The following SIM1 variants were observed in gnomAD, a reference collection of about 807,000 sequenced individuals.
SIM1 encodes the protein single-minded homolog 1.
Under a neutral mutation model 78.2 loss-of-function variants are expected in SIM1, and 18 were observed. The observed-to-expected ratio is 0.23, with a 90% confidence interval of 0.16 to 0.34. The LOEUF (loss-of-function observed/expected upper bound fraction) is 0.34. Ranked by LOEUF, SIM1 falls within the 10% of genes least tolerant of loss-of-function variation. SIM1 has a pLI of 1.00. For synonymous variants in SIM1, 417 were observed against 385.2 expected (o/e 1.08, Z -0.97); for missense variants, 939 against 975.1 (o/e 0.96, Z 0.49).
chr6:100,441,691 C>G (rs1430564531), intron 9 of SIM1, among the ~76,000 whole-genome samples: 1 of 152,056 alleles, frequency 6.6e-6, no homozygotes, highest in Non-Finnish European at 1.5e-5. Context: ...TGAAAATGTC[C>G]TTAGTGAAAC....
chr6:100,408,656 T>C (rs1429551269), intron 10 of SIM1, among the ~76,000 whole-genome samples: 2 of 152,130 alleles, frequency 1.3e-5, no homozygotes, highest in Admixed American at 1.3e-4. Context: ...TTTTTCAGCA[T>C]GTATTGAGAT....
intron 10 of SIM1, among the ~76,000 whole-genome samples, chr6:100,412,759 A>AAAGAAAGAAGAAAG (rs139161593): frequency 8.1e-6 from 1 of 123,176 alleles, no homozygotes; most frequent in Non-Finnish European, 1.9e-5. Flanking sequence ...AAGAAAAAAG[A>AAAGAAAGAAGAAAG]AAAGAAAAAG....
At chr6:100,412,700 AAAGAAAGAAAGAAAG>A (rs1771265212) in intron 10 of SIM1, among the ~76,000 whole-genome samples, 1 of 116,582 alleles carries the variant, frequency 8.6e-6, no homozygotes, top group African/African-American at 3.4e-5. Context: ...AGAAAGAAAG[AAAGAAAGAAAGAAAG>A]AAAGAAAGAA....
At position 100,412,607 on chromosome 6, in the gene SIM1, GA is replaced by G. The variant is rs1352327379; in HGVS notation, c.1167+8182del. Among the ~76,000 whole-genome samples, 269 of 92,824 alleles carry G rather than the reference GA, an allele frequency of 2.9e-3. 1 individual carries two copies. Among genetic ancestry groups the G allele is most frequent in the Non-Finnish European group, 3.6e-3 (161 of 45,200 alleles). 60.9% of individuals were successfully genotyped at this position (92,824 alleles called of 152,430 possible). A position where few individuals can be genotyped will look rare whatever the true frequency, so the allele number is the denominator to read the frequency against. ...AGAAAGAAAGAAAGAAAGAAAGAAA[GA>G]AAGGAAAGAAAGAAGGAAAGAAAGA... On this transcript the variant is annotated intron_variant, in intron 10 of 11. Transcript: ENST00000369208.
At chr6:100,403,837 TAAC>T (rs543691839) in intron 10 of SIM1, among the ~76,000 whole-genome samples, 37 of 152,320 alleles carry the variant, frequency 2.4e-4, no homozygotes, top group African/African-American at 8.4e-4. Flanking sequence ...TATTAAATGC[TAAC>T]AACATCTTAA....
At chr6:100,414,616 T>G (rs939685685) in intron 10 of SIM1, among the ~76,000 whole-genome samples, 2 of 152,216 alleles carry the variant, frequency 1.3e-5, no homozygotes, top group Non-Finnish European at 2.9e-5. Flanking sequence ...ATAACCTAAA[T>G]TTTTCTGGCA....
chr6:100,413,638 A>G (rs1771320375), intron 10 of SIM1, among the ~76,000 whole-genome samples: 1 of 152,192 alleles, frequency 6.6e-6, no homozygotes, highest in South Asian at 2.1e-4. Flanking sequence ...ATCAGTGTGT[A>G]TTATGATGTT....
intron 10 of SIM1, among the ~76,000 whole-genome samples, chr6:100,419,356 GTC>G (rs1771502238): frequency 6.6e-6 from 1 of 152,140 alleles, no homozygotes. Context: ...TGTGACATAA[GTC>G]TCTTAGAGGC....
At chr6:100,429,273 G>A (rs951165336) in intron 9 of SIM1, among the ~76,000 whole-genome samples, 2 of 151,810 alleles carry the variant, frequency 1.3e-5, no homozygotes, top group African/African-American at 2.4e-5. Context: ...GAGGGGCTGA[G>A]GCAGGAGAAT....
intron 10 of SIM1, among the ~76,000 whole-genome samples, chr6:100,412,779 AAGAG>A (rs1030315061): frequency 6.6e-6 from 1 of 151,818 alleles, no homozygotes; most frequent in African/African-American, 2.4e-5. Context: ...GAAAGGGAGA[AAGAG>A]AGAACGAAGG....
intron 2 of SIM1, among the ~76,000 whole-genome samples, chr6:100,454,452 C>CA (rs1165201280): frequency 2.6e-4 from 40 of 152,152 alleles, no homozygotes; most frequent in African/African-American, 8.7e-4. Context: ...CTGTTCAACC[C>CA]ATCTTCCTAT....
intron 9 of SIM1, among the ~76,000 whole-genome samples, chr6:100,424,739 C>A (rs939155073): frequency 1.3e-5 from 2 of 152,042 alleles, no homozygotes; most frequent in East Asian, 3.9e-4. Flanking sequence ...CCATGATGAG[C>A]CTTGGATTTG....
At position 100,391,862 on chromosome 6, in the gene SIM1, G is replaced by A. The variant is rs564554864; in HGVS notation, c.1571-771C>T. ...ATCATATAGTAACTCAGTTACCTTA[G>A]ATTGTTTTTGAAGTAAGGTAAAGAA... On this transcript the variant is annotated intron_variant, in intron 11 of 11. Transcript: ENST00000369208. 3.3e-5 allele frequency among the ~76,000 whole-genome samples: 5 copies of A among 152,182 alleles called. No homozygotes were observed. In the East Asian group the frequency reaches 7.7e-4, roughly 24 times the overall value.
intron 9 of SIM1, among the ~76,000 whole-genome samples, chr6:100,433,066 C>G (rs1478864096): frequency 1.3e-5 from 2 of 152,096 alleles, no homozygotes; most frequent in Non-Finnish European, 2.9e-5. Flanking sequence ...TCACCACTAC[C>G]CCATCTTTCA....
chr6:100,445,136 G>A (rs879054686), intron 9 of SIM1, among the ~76,000 whole-genome samples: 1 of 152,126 alleles, frequency 6.6e-6, no homozygotes, highest in Admixed American at 6.5e-5. Context: ...GTAACTTCCA[G>A]CCAGATGTGT....
chr6:100,397,341 C>T (rs1410737873), intron 10 of SIM1, among the ~76,000 whole-genome samples: 1 of 152,138 alleles, frequency 6.6e-6, no homozygotes, highest in Non-Finnish European at 1.5e-5. Context: ...ACACATGACC[C>T]ATACTATCAG....
rs1281547759 is a variant in SIM1, at chr6:100,412,555, A to AAAGAAAGAAAGAAAGAAAGAAAG, written c.1167+8234_1167+8235insCTTTCTTTCTTTCTTTCTTTCTT. ...CTGTCTAAGAAAGAAAGAAAGAAAG[A>AAAGAAAGAAAGAAAGAAAGAAAG]AAAGAAAGAAAGAAAGAAAGAAAGA... On this transcript the variant is annotated intron_variant, in intron 10 of 11. Coordinates refer to ENST00000369208, the MANE Select transcript of SIM1 (RefSeq NM_005068.3). 5.1e-4 allele frequency among the ~76,000 whole-genome samples: 33 copies of AAAGAAAGAAAGAAAGAAAGAAAG among 64,440 alleles called. 3 individuals carry two copies. The highest frequency in any genetic ancestry group is 7.8e-4 in the Non-Finnish European group (27 of 34,794). The allele number at this position is 64,440 out of a possible 152,430, so 42.3% of individuals were successfully genotyped here. A position where few individuals can be genotyped will look rare whatever the true frequency, so the allele number is the denominator to read the frequency against.
intron 2 of SIM1, 76 bp from the exon 3 acceptor site, chr6:100,453,920 G>A (rs1479528336): frequency 2.3e-5 from 26 of 1,113,056 alleles, no homozygotes; most frequent in Admixed American, 2.0e-4. Flanking sequence ...TCCCGCGACT[G>A]TATTACCCGA....
At position 100,389,866 on chromosome 6, in the gene SIM1, C is replaced by T. The variant is rs1319768254; in HGVS notation, c.*495G>A. On this transcript the variant is annotated 3_prime_UTR_variant, in exon 12 of 12. Coordinates refer to ENST00000369208, the MANE Select transcript of SIM1 (RefSeq NM_005068.3). ...TTATAAGATGTATCTCTCTCTTTCT[C>T]AGTTATTTTGGGAATGGAAATTTCG... 7.5e-6 allele frequency: 3 copies of T among 398,254 alleles called. No homozygotes were observed. Among genetic ancestry groups the T allele is most frequent in the African/African-American group, 6.2e-5 (3 of 48,586 alleles). 24.7% of individuals were successfully genotyped at this position (398,254 alleles called of 1,614,324 possible).
Sources: allele counts gnomAD v4.1 joint callset (sites outside exome capture counted in the v4.1 genomes callset), GRCh38; gene constraint gnomAD v4.1.1; transcripts MANE v1.5; gene names NCBI Gene and HGNC (gene_info 2026-07-23, HGNC 2026-07-21).